Variants in MACROD2 observed in about 807,000 individuals in gnomAD.
MACROD2 encodes the protein mono-ADP ribosylhydrolase 2, also known as ADP-ribose glycohydrolase MACROD2.
MACROD2 carries 36 observed loss-of-function variants against 70.4 expected under a neutral mutation model. The ratio of observed to expected loss-of-function variants is 0.51; its 90% CI spans 0.39 to 0.68. The LOEUF (loss-of-function observed/expected upper bound fraction) is 0.68. MACROD2 is among the 30% of genes least tolerant of loss of function. The pLI is 0.00. For missense variants in MACROD2, 496 were observed against 538.4 expected (o/e 0.92, Z 0.78); for synonymous variants, 172 against 178.8 (o/e 0.96, Z 0.30).
At chr20:14,022,604 C>T (rs1165570349) in intron 2 of MACROD2, among the ~76,000 whole-genome samples, 1 of 152,062 alleles carries the variant, frequency 6.6e-6, no homozygotes, top group African/African-American at 2.4e-5. Context: ...CCTCCCCCAC[C>T]CACCGACAGG....
intron 8 of MACROD2, among the ~76,000 whole-genome samples, chr20:15,602,143 C>T (rs115493351): frequency 0.022 from 3,341 of 152,252 alleles, 48 homozygotes; most frequent in Middle Eastern, 0.065. Context: ...ATGTAGACCC[C>T]AACCTCCTGC....
At chr20:14,524,468 CTTTCT>C (rs2085206787) in intron 4 of MACROD2, among the ~76,000 whole-genome samples, 1 of 152,194 alleles carries the variant, frequency 6.6e-6, no homozygotes, top group Admixed American at 6.5e-5. Context: ...CAAGTGAAGA[CTTTCT>C]TTTCTAACTT....
At chr20:15,579,994 C>G (rs2048502241) in intron 8 of MACROD2, among the ~76,000 whole-genome samples, 1 of 152,094 alleles carries the variant, frequency 6.6e-6, no homozygotes, top group African/African-American at 2.4e-5. Context: ...AGTCCTATAT[C>G]TTTAGTCTCC....
chr20:14,834,254 G>GTT (rs201456532), intron 5 of MACROD2, among the ~76,000 whole-genome samples: 2,438 of 145,330 alleles, frequency 0.017, 68 homozygotes, highest in African/African-American at 0.056. Flanking sequence ...CGCTAGTATG[G>GTT]TTTTTTTTTT....
intron 3 of MACROD2, among the ~76,000 whole-genome samples, chr20:14,302,313 A>G (rs962350596): frequency 6.6e-6 from 1 of 152,208 alleles, no homozygotes; most frequent in Non-Finnish European, 1.5e-5. Flanking sequence ...AGCGTCATGC[A>G]GCCCTCTCCA....
chr20:15,667,149 A>G (rs200778), intron 8 of MACROD2, among the ~76,000 whole-genome samples: 152,282 of 152,292 alleles, frequency 1, 76,136 homozygotes, highest in Middle Eastern at 1. Flanking sequence ...TTTGGCCATC[A>G]GGGTGGATCC....
intron 3 of MACROD2, among the ~76,000 whole-genome samples, chr20:14,462,566 T>C (rs1216669217): frequency 2.0e-5 from 3 of 148,958 alleles, no homozygotes; most frequent in African/African-American, 7.3e-5. Flanking sequence ...ATTTTGGCTT[T>C]TGTTGCCATT....
chr20:14,207,398 C>G (rs1033324231), intron 3 of MACROD2, among the ~76,000 whole-genome samples: 1 of 152,010 alleles, frequency 6.6e-6, no homozygotes. Flanking sequence ...CTGTGCCCGG[C>G]CAGAAATGAC....
intron 3 of MACROD2, among the ~76,000 whole-genome samples, chr20:14,441,259 C>A (rs2084119162): frequency 6.6e-6 from 1 of 152,122 alleles, no homozygotes; most frequent in African/African-American, 2.4e-5. Flanking sequence ...GTCCAGCCTC[C>A]TGGAGGATGA....
chr20:15,709,802 A>G (rs2050597422), intron 8 of MACROD2, among the ~76,000 whole-genome samples: 1 of 152,112 alleles, frequency 6.6e-6, no homozygotes, highest in Non-Finnish European at 1.5e-5. Flanking sequence ...GAGAACATAA[A>G]TCCTCTCTTC....
chr20:15,008,296 C>T (rs2075055448), intron 5 of MACROD2, among the ~76,000 whole-genome samples: 1 of 152,088 alleles, frequency 6.6e-6, no homozygotes, highest in East Asian at 1.9e-4. Context: ...GCTTAGGCAA[C>T]ATAGGGAGAC....
At chr20:15,228,204 A>G (rs945491004) in intron 5 of MACROD2, among the ~76,000 whole-genome samples, 3 of 152,112 alleles carry the variant, frequency 2.0e-5, no homozygotes, top group Admixed American at 6.5e-5. Flanking sequence ...TTTCCTGAGT[A>G]CACCTCAAGC....
chr20:14,417,069 CT>C (rs1326145682), intron 3 of MACROD2, among the ~76,000 whole-genome samples: 56 of 12,218 alleles, frequency 4.6e-3, no homozygotes, highest in Middle Eastern at 0.031. Context: ...TATCTATCAT[CT>C]ATCTATCTAT....
At chr20:14,713,089 T>A (rs1337132551) in intron 5 of MACROD2, among the ~76,000 whole-genome samples, 2 of 152,082 alleles carry the variant, frequency 1.3e-5, no homozygotes, top group Admixed American at 1.3e-4. Flanking sequence ...AAAGGACAGA[T>A]TAAAAGAAGT....
intron 3 of MACROD2, among the ~76,000 whole-genome samples, chr20:14,475,821 C>T (rs989443314): frequency 1.3e-5 from 2 of 152,016 alleles, no homozygotes; most frequent in African/African-American, 4.8e-5. Flanking sequence ...TCAGGATCTT[C>T]TCTTTGTTTT....
intron 3 of MACROD2, among the ~76,000 whole-genome samples, chr20:14,165,099 T>C (rs1438966114): frequency 1.3e-5 from 2 of 152,098 alleles, no homozygotes; most frequent in Admixed American, 1.3e-4. Flanking sequence ...ACCCAGGGAA[T>C]GATGCAGTCT....
chr20:14,630,317 T>G (rs1052102983), intron 4 of MACROD2, among the ~76,000 whole-genome samples: 7 of 152,188 alleles, frequency 4.6e-5, no homozygotes, highest in Non-Finnish European at 1.0e-4. Flanking sequence ...TAAGAGCATC[T>G]ACACCGATTT....
At chr20:14,925,099 G>A (rs2074213682) in intron 5 of MACROD2, among the ~76,000 whole-genome samples, 1 of 151,788 alleles carries the variant, frequency 6.6e-6, no homozygotes, top group Non-Finnish European at 1.5e-5. Flanking sequence ...CATTTTCAGA[G>A]AGAATCATTT....
intron 8 of MACROD2, among the ~76,000 whole-genome samples, chr20:15,642,573 G>A (rs2049476812): frequency 6.8e-6 from 1 of 147,378 alleles, no homozygotes. Flanking sequence ...AGGGAGGGAA[G>A]TAGGGAACTG....
Sources: gnomAD v4.1 joint callset for allele counts (sites outside exome capture counted in the v4.1 genomes callset) on GRCh38, gnomAD v4.1.1 for gene constraint, MANE v1.5 for transcripts, NCBI Gene and HGNC (gene_info 2026-07-23, HGNC 2026-07-21) for gene names.